CNMD: variants seen among roughly 807,000 people sequenced by gnomAD.
CNMD encodes chondromodulin.
A neutral mutation model predicts 37.5 loss-of-function variants in CNMD; 30 were observed. The observed-to-expected ratio is 0.80, with a 90% CI of 0.60 to 1.09. The LOEUF is 1.09. CNMD is among the 50% of genes least tolerant of loss of function. The pLI, the probability that CNMD is intolerant of heterozygous loss-of-function variation, is 0.00. For missense variants in CNMD, 398 were observed against 423.9 expected (o/e 0.94, Z 0.54); for synonymous variants, 167 against 148.2 (o/e 1.13, Z -0.92).
Position 52,733,241 on chromosome 13 carries a change from A to G in CNMD, c.332T>C (p.Ile111Thr), listed in dbSNP as rs369492140. Residue 111 changes from isoleucine to threonine, a missense_variant, in exon 3 of 7, where the codon ATT becomes ACT. Transcript: ENST00000377962. ...FKMGSGAEEA[I>T]AVNDFQNGIT... Reference sequence around the variant, plus strand: ...TACATTCTGGAAATCATTAACTGCAATTGCTTCTTCAGCTCCACTTCCCAT... The same window carrying G: ...TACATTCTGGAAATCATTAACTGCAGTTGCTTCTTCAGCTCCACTTCCCAT... 6.8e-6 allele frequency: 11 copies of G among 1,614,152 alleles called. No individual in the cohort carries two copies. The highest frequency in any genetic ancestry group is 3.3e-4 in the Middle Eastern group (2 of 6,062).
At chr13:52,733,543 T>C (rs1453496081) in intron 2 of CNMD, 184 bp from the exon 3 acceptor site, 7 of 694,502 alleles carry the variant, frequency 1.0e-5, no homozygotes, top group Admixed American at 6.1e-5. Context: ...AATGATTTCC[T>C]TAAAAATACC....
chr13:52,724,746 A>C (rs1964544774), intron 3 of CNMD, among the ~76,000 whole-genome samples: 1 of 150,456 alleles, frequency 6.6e-6, no homozygotes, highest in South Asian at 2.1e-4. Flanking sequence ...AAAATACAAA[A>C]ATTAGCCGGG....
chr13:52,735,078 C>T (rs1431267176), intron 2 of CNMD, among the ~76,000 whole-genome samples: 1 of 152,196 alleles, frequency 6.6e-6, no homozygotes, highest in African/African-American at 2.4e-5. Flanking sequence ...CTAGGCTTCC[C>T]TGATCACAAG....
rs895236846 is a variant in CNMD at position 52,739,764 on chromosome 13, G to A, written c.-63C>T. The stretch of plus-strand genomic sequence containing the variant: ...TGGGCACCCTGGGATCTGTCCCGCT[G>A]CCCCGACGTGCAGGGCATTTCAACG... On this transcript the variant is annotated 5_prime_UTR_variant, in exon 1 of 7. The change creates a premature stop within an existing upstream ORF in the 5' untranslated region. Coordinates refer to ENST00000377962, the MANE Select transcript of CNMD (RefSeq NM_007015.3). This position sits in a 1 kb window ranked among gnomAD's most constrained non-coding sequence, Gnocchi z 5.4. 5 of 1,428,240 alleles carry A rather than the reference G, an allele frequency of 3.5e-6. No individual in the cohort carries two copies. In the African/African-American group the frequency reaches 4.2e-5, roughly 12 times the overall value. 88.5% of individuals were successfully genotyped at this position (1,428,240 alleles called of 1,614,324 possible).
intron 3 of CNMD, among the ~76,000 whole-genome samples, chr13:52,731,182 A>C (rs1841020473): frequency 6.6e-6 from 1 of 152,196 alleles, no homozygotes; most frequent in Non-Finnish European, 1.5e-5. Flanking sequence ...CTATTCAGGA[A>C]GGATGTTCCC....
At chr13:52,712,990 G>A (rs994416903) in intron 4 of CNMD, 121 bp from the exon 5 acceptor site, 20 of 616,138 alleles carry the variant, frequency 3.2e-5, no homozygotes, top group African/African-American at 2.4e-4. Flanking sequence ...CCGAGCATGC[G>A]TGTGTACATG....
intron 2 of CNMD, among the ~76,000 whole-genome samples, chr13:52,735,133 C>T (rs1276498212): frequency 6.6e-6 from 1 of 152,208 alleles, no homozygotes; most frequent in African/African-American, 2.4e-5. Context: ...GAGCACAGCC[C>T]ACCAGTCTCT....
chr13:52,725,730 G>A (rs1964561047), intron 3 of CNMD, among the ~76,000 whole-genome samples: 1 of 152,226 alleles, frequency 6.6e-6, no homozygotes, highest in Non-Finnish European at 1.5e-5. Flanking sequence ...GTTGAGGCAA[G>A]TGTTGGAATG....
chr13:52,708,717 G>T lies in CNMD; in HGVS notation c.623-15C>A. ...CCTCTGGATTTCTGCAAAAATTTCTGTAAATTAATCCCTTTATTTGAATAA... is the reference window on the plus strand; with the variant it reads ...CCTCTGGATTTCTGCAAAAATTTCTTTAAATTAATCCCTTTATTTGAATAA... On this transcript the variant is annotated splice_polypyrimidine_tract_variant and intron_variant, in intron 5 of 6. Transcript: ENST00000377962. 1 of 1,575,862 alleles carries T rather than the reference G, an allele frequency of 6.3e-7. No homozygotes were observed. The highest frequency in any genetic ancestry group is 8.6e-7 in the Non-Finnish European group (1 of 1,160,568).
intron 3 of CNMD, among the ~76,000 whole-genome samples, chr13:52,729,499 C>T (rs1964628248): frequency 6.6e-6 from 1 of 152,182 alleles, no homozygotes; most frequent in Admixed American, 6.5e-5. Context: ...GAGAAAATTA[C>T]ATAGCATTTA....
At chr13:52,703,929 G>A in intron 6 of CNMD, 119 bp from the exon 7 acceptor site, 1 of 798,362 alleles carries the variant, frequency 1.3e-6, no homozygotes, top group Non-Finnish European at 2.0e-6. Context: ...AATCTGTAAA[G>A]GGTTTGATCT....
chr13:52,737,429 T>C (rs1205904529), intron 2 of CNMD, among the ~76,000 whole-genome samples: 1 of 152,240 alleles, frequency 6.6e-6, no homozygotes, highest in Non-Finnish European at 1.5e-5. Context: ...TAGCATTTAA[T>C]ACTGCTCTCC....
intron 4 of CNMD, among the ~76,000 whole-genome samples, chr13:52,715,577 C>A (rs1964363134): frequency 6.6e-6 from 1 of 152,174 alleles, no homozygotes; most frequent in African/African-American, 2.4e-5. Flanking sequence ...TGTTCAGCTC[C>A]TACTTGTGAG....
chr13:52,738,990 G>C (rs1238290205), intron 2 of CNMD, 41 bp downstream of exon 2: 1 of 1,520,478 alleles, frequency 6.6e-7, no homozygotes, highest in African/African-American at 1.5e-5. Flanking sequence ...GGGGCACCAT[G>C]GGCGACACGG....
chr13:52,718,999 A>G (rs940059588), intron 4 of CNMD, among the ~76,000 whole-genome samples: 1 of 152,108 alleles, frequency 6.6e-6, no homozygotes, highest in African/African-American at 2.4e-5. Flanking sequence ...TGCTTTATGA[A>G]TCTGGGTGCT....
Position 52,739,760 on chromosome 13 carries a change from C to T in CNMD, c.-59G>A. The T allele has an allele frequency of 2.0e-6, 3 of 1,468,150 alleles. No individual in the cohort carries two copies. Among genetic ancestry groups the T allele is most frequent in the South Asian group, 2.3e-5 (2 of 86,986 alleles). 90.9% of individuals were successfully genotyped at this position (1,468,150 alleles called of 1,614,324 possible). ...TCCCTGGGCACCCTGGGATCTGTCC[C>T]GCTGCCCCGACGTGCAGGGCATTTC... On this transcript the variant is annotated 5_prime_UTR_variant, in exon 1 of 7. Coordinates refer to ENST00000377962, the MANE Select transcript of CNMD (RefSeq NM_007015.3). The surrounding 1 kb of genome is among the most constrained non-coding windows in gnomAD (Gnocchi z 5.4).
chr13:52,713,125 G>A (rs1335947670), intron 4 of CNMD, among the ~76,000 whole-genome samples: 1 of 152,170 alleles, frequency 6.6e-6, no homozygotes, highest in Non-Finnish European at 1.5e-5. Flanking sequence ...GAGTTGAAGT[G>A]AAAATTACTT....
intron 3 of CNMD, among the ~76,000 whole-genome samples, chr13:52,725,732 G>T (rs1964561141): frequency 6.6e-6 from 1 of 152,228 alleles, no homozygotes; most frequent in South Asian, 2.1e-4. Flanking sequence ...TGAGGCAAGT[G>T]TTGGAATGAT....
intron 4 of CNMD, among the ~76,000 whole-genome samples, chr13:52,717,877 C>G (rs1167111250): frequency 1.3e-5 from 2 of 152,112 alleles, no homozygotes; most frequent in African/African-American, 4.8e-5. Context: ...AGAGAGGAGT[C>G]CCTCTTTTTG....
Sources: allele counts gnomAD v4.1 joint callset (sites outside exome capture counted in the v4.1 genomes callset), GRCh38; gene constraint gnomAD v4.1.1; non-coding constraint Gnocchi (gnomAD v3.1); transcripts MANE v1.5; gene names NCBI Gene and HGNC (gene_info 2026-07-23, HGNC 2026-07-21).